Variants in ZNF704 observed in about 807,000 individuals in gnomAD.
ZNF704 encodes the protein zinc finger protein 704.
ZNF704 carries 10 observed loss-of-function variants against 44.7 expected under a neutral mutation model. The observed-to-expected ratio is 0.22, with a 90% confidence interval of 0.14 to 0.38. The LOEUF (loss-of-function observed/expected upper bound fraction) is 0.38, where lower values mean the gene tolerates loss of function less well. Ranked by LOEUF, ZNF704 falls within the 10% of genes least tolerant of loss-of-function variation. The pLI, the probability that ZNF704 is intolerant of heterozygous loss-of-function variation, is 1.00. For missense variants in ZNF704, 390 were observed against 545.5 expected, an observed-to-expected ratio of 0.71 and a Z score of 2.84; for synonymous variants, 211 against 207.6, an observed-to-expected ratio of 1.02 and a Z score of -0.14.
intron 2 of ZNF704, among the ~76,000 whole-genome samples, chr8:80,737,562 A>G (rs1436507446): frequency 2.0e-5 from 3 of 152,222 alleles, no homozygotes; most frequent in Non-Finnish European, 4.4e-5. Context: ...ATTATGCCAC[A>G]TTGTATTCAT....
chr8:80,880,216 A>G, the ZNF704 span, among the ~76,000 whole-genome samples: 1 of 152,210 alleles, frequency 6.6e-6, no homozygotes, highest in East Asian at 1.9e-4. Context: ...TGCTATGTGC[A>G]TCAGCTGGAA....
intron 2 of ZNF704, among the ~76,000 whole-genome samples, chr8:80,765,890 G>A (rs2131724750): frequency 6.6e-6 from 1 of 152,082 alleles, no homozygotes; most frequent in African/African-American, 2.4e-5. Flanking sequence ...TTAAAAGCCA[G>A]GTAAATTCCA....
chr8:80,767,464 A>G (rs1205038085), intron 2 of ZNF704, among the ~76,000 whole-genome samples: 1 of 152,180 alleles, frequency 6.6e-6, no homozygotes, highest in Non-Finnish European at 1.5e-5. Context: ...ACAAATAAGA[A>G]TAATTCAAAA....
At chr8:80,688,127 G>A (rs6473245) in intron 3 of ZNF704, among the ~76,000 whole-genome samples, 15,584 of 152,032 alleles carry the variant, frequency 0.1, 2,704 homozygotes, top group African/African-American at 0.36. Flanking sequence ...AGGATTACTT[G>A]AGCCCAGGGG....
intron 3 of ZNF704, among the ~76,000 whole-genome samples, chr8:80,689,527 A>G (rs1446178712): frequency 1.3e-5 from 2 of 152,224 alleles, no homozygotes; most frequent in African/African-American, 4.8e-5. Context: ...GTACAACAGG[A>G]GTTCAAGAAG....
intron 2 of ZNF704, among the ~76,000 whole-genome samples, chr8:80,748,912 C>A (rs59519271): frequency 0.17 from 25,992 of 152,104 alleles, 4,503 homozygotes; most frequent in African/African-American, 0.44. Context: ...CCATTCAAAC[C>A]CTGGTTCATT....
chr8:80,746,916 A>C (rs1013479504), intron 2 of ZNF704, among the ~76,000 whole-genome samples: 2 of 152,194 alleles, frequency 1.3e-5, no homozygotes, highest in Admixed American at 1.3e-4. Flanking sequence ...CACATCAATC[A>C]GTCCATAAAG....
upstream of ZNF704, among the ~76,000 whole-genome samples, chr8:80,877,690 A>C (rs1809375542): frequency 6.6e-6 from 1 of 152,220 alleles, no homozygotes. Flanking sequence ...TTCATCGTTC[A>C]TTCTGCATGG....
chr8:80,863,095 T>C (rs1056782969), intron 1 of ZNF704, among the ~76,000 whole-genome samples: 1 of 152,178 alleles, frequency 6.6e-6, no homozygotes, highest in African/African-American at 2.4e-5. Flanking sequence ...CAAGACTACA[T>C]TTTTTCAAAT....
chr8:80,769,835 C>A (rs1807289494), intron 2 of ZNF704, among the ~76,000 whole-genome samples: 1 of 152,106 alleles, frequency 6.6e-6, no homozygotes, highest in Non-Finnish European at 1.5e-5. Flanking sequence ...TCAGCAGTGC[C>A]CCACTCTACT....
chr8:80,834,789 T>C (rs1191259825), intron 1 of ZNF704, among the ~76,000 whole-genome samples: 1 of 152,170 alleles, frequency 6.6e-6, no homozygotes, highest in East Asian at 1.9e-4. Context: ...TGGTGTTTGG[T>C]TTTCTGTTCC....
chr8:80,665,836 T>C (rs112293775), intron 5 of ZNF704, among the ~76,000 whole-genome samples: 1 of 151,860 alleles, frequency 6.6e-6, no homozygotes, highest in Admixed American at 6.5e-5. Context: ...ATTTTATTTT[T>C]TTTTCATGAT....
At chr8:80,851,473 G>A (rs1486389398) in intron 1 of ZNF704, among the ~76,000 whole-genome samples, 3 of 149,360 alleles carry the variant, frequency 2.0e-5, no homozygotes, top group Non-Finnish European at 3.0e-5. Flanking sequence ...CTATCGCAAG[G>A]ACAAAAAACC....
intron 1 of ZNF704, among the ~76,000 whole-genome samples, chr8:80,833,724 T>C (rs1303630529): frequency 6.6e-6 from 1 of 152,194 alleles, no homozygotes; most frequent in Non-Finnish European, 1.5e-5. Context: ...TTGGTGGTAG[T>C]GGTGATGTAA....
chr8:80,745,621 C>T (rs1308523776), intron 2 of ZNF704, among the ~76,000 whole-genome samples: 1 of 152,170 alleles, frequency 6.6e-6, no homozygotes, highest in Non-Finnish European at 1.5e-5. Context: ...GTACAATCAA[C>T]TTTGCTAGAA....
chr8:80,748,150 G>A (rs1339812295), intron 2 of ZNF704, among the ~76,000 whole-genome samples: 1 of 152,210 alleles, frequency 6.6e-6, no homozygotes, highest in African/African-American at 2.4e-5. Context: ...AGATGTCAGA[G>A]ATGTTTCCTG....
chr8:80,694,852 G>C (rs2131638996), intron 2 of ZNF704, among the ~76,000 whole-genome samples: 1 of 152,294 alleles, frequency 6.6e-6, no homozygotes, highest in East Asian at 1.9e-4. Flanking sequence ...AGCACCTTAT[G>C]CTCTTTTTTA....
At chr8:80,658,904 G>A (rs1818056248) in intron 7 of ZNF704, 1 of 152,188 alleles carries the variant, frequency 6.6e-6, no homozygotes, top group Non-Finnish European at 1.5e-5. Flanking sequence ...AACCTTATCA[G>A]GAGTTATACA....
chr8:80,713,966 C>T (rs762390092), intron 2 of ZNF704, among the ~76,000 whole-genome samples: 1 of 152,160 alleles, frequency 6.6e-6, no homozygotes, highest in Non-Finnish European at 1.5e-5. Context: ...TAACTTGATA[C>T]GTTACACAGG....
Sources: allele counts gnomAD v4.1 joint callset (sites outside exome capture counted in the v4.1 genomes callset), GRCh38; gene constraint gnomAD v4.1.1; transcripts MANE v1.5; gene names NCBI Gene and HGNC (gene_info 2026-07-23, HGNC 2026-07-21).